The following CDK8 variants were observed in gnomAD, a reference collection of about 807,000 sequenced individuals.
The protein encoded by CDK8 is cyclin dependent kinase 8.
Under a neutral mutation model 71.5 loss-of-function variants are expected in CDK8, and 29 were observed. That is an observed-to-expected ratio of 0.41 (90% CI 0.30 to 0.55). CDK8 has a LOEUF of 0.55. CDK8 is among the 20% of genes least tolerant of loss of function. CDK8 has a pLI of 0.37. For synonymous variants in CDK8, 161 were observed against 192.1 expected, an observed-to-expected ratio of 0.84 and a Z score of 1.34; for missense variants, 288 against 572.6, an observed-to-expected ratio of 0.50 and a Z score of 5.07.
chr13:26,362,969 G>A (rs1371647973), intron 4 of CDK8, among the ~76,000 whole-genome samples: 1 of 149,284 alleles, frequency 6.7e-6, no homozygotes, highest in Non-Finnish European at 1.5e-5. Context: ...TGTTGAGTGA[G>A]ATATACTATA....
intron 7 of CDK8, among the ~76,000 whole-genome samples, chr13:26,394,382 C>T (rs1050183096): frequency 6.6e-6 from 1 of 152,158 alleles, no homozygotes; most frequent in Non-Finnish European, 1.5e-5. Context: ...CAAAATTGGT[C>T]ACCAGTGTGG....
chr13:26,393,693 T>G (rs1875858428), intron 7 of CDK8, among the ~76,000 whole-genome samples, 183 bp downstream of exon 7: 1 of 152,210 alleles, frequency 6.6e-6, no homozygotes. Context: ...CATATTGGCA[T>G]GGAAATATTT....
chr13:26,355,220 C>G (rs1387097951), intron 4 of CDK8, among the ~76,000 whole-genome samples: 1 of 152,220 alleles, frequency 6.6e-6, no homozygotes. Context: ...CTCATACCTA[C>G]AAAGCATTTA....
intron 1 of CDK8, chr13:26,324,833 A>C (rs1874948994): frequency 1.2e-6 from 1 of 851,686 alleles, no homozygotes; most frequent in Non-Finnish European, 1.4e-6. Flanking sequence ...TAAGTAATTT[A>C]ATGGAAAACC....
At chr13:26,395,326 C>G (rs1192783801) in intron 7 of CDK8, among the ~76,000 whole-genome samples, 1 of 151,538 alleles carries the variant, frequency 6.6e-6, no homozygotes, top group African/African-American at 2.4e-5. Flanking sequence ...GGCTACATGC[C>G]TGTAATGTAT....
intron 5 of CDK8, among the ~76,000 whole-genome samples, chr13:26,383,893 T>C (rs1875349195): frequency 6.6e-6 from 1 of 152,248 alleles, no homozygotes; most frequent in African/African-American, 2.4e-5. Context: ...CTGTCGGCAC[T>C]CACCCTAGTG....
intron 1 of CDK8, among the ~76,000 whole-genome samples, chr13:26,313,951 T>G: frequency 6.6e-6 from 1 of 152,122 alleles, no homozygotes; most frequent in East Asian, 1.9e-4. Flanking sequence ...ACCACAGAGT[T>G]TGGCAAGTTT....
At chr13:26,305,818 TGAGGTA>T (rs1388664563) in intron 1 of CDK8, among the ~76,000 whole-genome samples, 12 of 152,206 alleles carry the variant, frequency 7.9e-5, no homozygotes, top group African/African-American at 2.9e-4. Flanking sequence ...TGTTCTATCT[TGAGGTA>T]CTCTGTTGGA....
At chr13:26,273,608 C>G (rs193199944) in intron 1 of CDK8, among the ~76,000 whole-genome samples, 65 of 151,698 alleles carry the variant, frequency 4.3e-4, no homozygotes, top group African/African-American at 1.5e-3. Context: ...CTGTGCAGTT[C>G]AGACTAACTA....
intron 4 of CDK8, among the ~76,000 whole-genome samples, chr13:26,372,606 C>T (rs554042696): frequency 1.8e-4 from 28 of 152,108 alleles, no homozygotes; most frequent in Non-Finnish European, 3.7e-4. Context: ...TGGTAGTGCT[C>T]AGTTGTTGAC....
At chr13:26,272,857 C>T (rs1291941344) in intron 1 of CDK8, among the ~76,000 whole-genome samples, 1 of 152,160 alleles carries the variant, frequency 6.6e-6, no homozygotes, top group Admixed American at 6.5e-5. Flanking sequence ...TATGGGACAA[C>T]CTCCCTATGT....
chr13:26,270,631 C>T (rs1159261568), intron 1 of CDK8, among the ~76,000 whole-genome samples: 1 of 152,174 alleles, frequency 6.6e-6, no homozygotes, highest in Non-Finnish European at 1.5e-5. Context: ...ATGACGAAAT[C>T]ATACAATATG....
rs919514054 is a variant in CDK8, at chr13:26,405,128, T to C, written c.*1047T>C. The C allele has an allele frequency of 3.9e-5, 7 of 179,394 alleles. No individual in the cohort carries two copies. The highest frequency in any genetic ancestry group is 1.3e-4 in the Admixed American group (2 of 15,882). The allele number at this position is 179,394 out of a possible 1,614,324, so 11.1% of individuals were successfully genotyped here. ...AAAAAAAAACCTATAACATACAATG[T>C]ACTGTATCAAACTATTTTACATGAA... On this transcript the variant is annotated 3_prime_UTR_variant, in exon 13 of 13. Transcript: ENST00000381527.
intron 12 of CDK8, 48 bp from the exon 13 acceptor site, chr13:26,403,908 T>C: frequency 6.2e-7 from 1 of 1,600,456 alleles, no homozygotes. Context: ...GGGATTGAGC[T>C]TCCCCTAGAA....
At chr13:26,360,493 G>A (rs947394671) in intron 4 of CDK8, among the ~76,000 whole-genome samples, 4 of 151,946 alleles carry the variant, frequency 2.6e-5, no homozygotes, top group African/African-American at 9.7e-5. Flanking sequence ...ACTCTCTCTA[G>A]TCACCCTAGC....
At chr13:26,369,598 C>T (rs556207293) in intron 4 of CDK8, among the ~76,000 whole-genome samples, 6 of 144,556 alleles carry the variant, frequency 4.2e-5, no homozygotes, top group Admixed American at 6.9e-5. Flanking sequence ...GCGTGATCTC[C>T]GCTCACTGCA....
intron 3 of CDK8, 99 bp downstream of exon 3, chr13:26,349,281 T>C: frequency 1.4e-6 from 1 of 720,572 alleles, no homozygotes. Flanking sequence ...CTTATGTTTT[T>C]AAAATAAAAG....
intron 2 of CDK8, among the ~76,000 whole-genome samples, chr13:26,348,077 T>C (rs1165849507): frequency 1.3e-5 from 2 of 151,848 alleles, no homozygotes; most frequent in African/African-American, 4.8e-5. Context: ...GTGATATCTA[T>C]ATATATATCT....
chr13:26,275,467 C>A (rs773379536), intron 1 of CDK8, among the ~76,000 whole-genome samples: 1 of 152,194 alleles, frequency 6.6e-6, no homozygotes, highest in South Asian at 2.1e-4. Context: ...TTGCCTACTA[C>A]AAGGTATTCT....
Sources: gnomAD v4.1 joint callset for allele counts (sites outside exome capture counted in the v4.1 genomes callset) on GRCh38, gnomAD v4.1.1 for gene constraint, MANE v1.5 for transcripts, NCBI Gene and HGNC (gene_info 2026-07-23, HGNC 2026-07-21) for gene names.